Variants in GSE1 observed in about 807,000 individuals in gnomAD.
GSE1 encodes Gse1 coiled-coil protein.
A neutral mutation model predicts 112.6 loss-of-function variants in GSE1; 32 were observed. That is an observed-to-expected ratio of 0.28 (90% CI 0.21 to 0.38). The LOEUF is 0.38. Ranked by LOEUF, GSE1 falls within the 10% of genes least tolerant of loss-of-function variation. GSE1 has a pLI of 1.00. For missense variants in GSE1, 2,348 were observed against 1,699.2 expected (o/e 1.38, Z -6.71); for synonymous variants, 1,115 against 735.6 (o/e 1.52, Z -8.35).
intron 3 of GSE1, among the ~76,000 whole-genome samples, chr16:85,649,836 G>A (rs1188080151): frequency 2.0e-5 from 3 of 152,170 alleles, no homozygotes; most frequent in Non-Finnish European, 4.4e-5. Flanking sequence ...GGAGGACATG[G>A]GTATTGGAGC....
In GSE1 at chr16:85,409,936, G is replaced by T. The variant is rs1159460166; in HGVS notation, c.2464+52293G>T. Among the ~76,000 whole-genome samples the T allele has an allele frequency of 2.8e-4, 2 of 7,242 alleles. 1 individual carries two copies. The highest frequency in any genetic ancestry group is 1.2e-3 in the African/African-American group (2 of 1,690). 4.8% of individuals were successfully genotyped at this position (7,242 alleles called of 152,430 possible). Reference sequence around the variant, plus strand: ...GGATAATCCTCACTGTTACACTCAGGCCCCCCGGATAATCCTCACTTTTAC... The same window carrying T: ...GGATAATCCTCACTGTTACACTCAGTCCCCCCGGATAATCCTCACTTTTAC... On this transcript the variant is annotated intron_variant, in intron 2 of 2. Coordinates refer to the GSE1 transcript ENST00000637419.
At chr16:85,328,786 C>A (rs986753666) in intron 1 of GSE1, among the ~76,000 whole-genome samples, 1 of 151,480 alleles carries the variant, frequency 6.6e-6, no homozygotes, top group Non-Finnish European at 1.5e-5. Flanking sequence ...CAAGGCCTTG[C>A]GGCTGGGCGT....
chr16:85,380,408 A>T (rs553415078), intron 2 of GSE1, among the ~76,000 whole-genome samples: 33 of 152,310 alleles, frequency 2.2e-4, no homozygotes, highest in African/African-American at 7.9e-4. Flanking sequence ...ATCCTCCCTG[A>T]GCCCTTGGCC....
chr16:85,382,039 A>G (rs2047558328), intron 2 of GSE1, among the ~76,000 whole-genome samples: 1 of 152,228 alleles, frequency 6.6e-6, no homozygotes. Flanking sequence ...GGAGCTCCAC[A>G]GAGCCCCGGC....
chr16:85,602,215 G>A (rs1029380284), intron 1 of GSE1, among the ~76,000 whole-genome samples: 2 of 151,818 alleles, frequency 1.3e-5, no homozygotes, highest in African/African-American at 4.9e-5. Context: ...AGCACACAGC[G>A]CCCAGGGGGT....
chr16:85,215,702 C>G (rs938108733), intron 1 of GSE1, among the ~76,000 whole-genome samples: 4 of 152,202 alleles, frequency 2.6e-5, no homozygotes, highest in African/African-American at 9.6e-5. Flanking sequence ...CCGCACTGTT[C>G]CAGCACTTGG....
rs112608214 is a variant in GSE1 at position 85,252,071 on chromosome 16, G to C, written c.2283+80264G>C. Among the ~76,000 whole-genome samples, 536 of 152,346 alleles carry C rather than the reference G, an allele frequency of 3.5e-3. 8 individuals are homozygous for C. The highest frequency in any genetic ancestry group is 0.012 in the African/African-American group (503 of 41,580). ...GCAGAGAGAGCAGTTGAACCCCAGA[G>C]TCTGACTCCGGAGACCCAGGGCTGA... On this transcript the variant is annotated intron_variant, in intron 1 of 2. Coordinates refer to the GSE1 transcript ENST00000637419.
At chr16:85,454,531 T>C (rs988955397) in intron 2 of GSE1, among the ~76,000 whole-genome samples, 1 of 152,094 alleles carries the variant, frequency 6.6e-6, no homozygotes, top group Non-Finnish European at 1.5e-5. Flanking sequence ...GCCGGATGAG[T>C]TTCCCGGGGC....
chr16:85,617,395 G>T (rs1435259696), intron 1 of GSE1, among the ~76,000 whole-genome samples: 1 of 152,226 alleles, frequency 6.6e-6, no homozygotes, highest in African/African-American at 2.4e-5. Context: ...CTGCACTTGA[G>T]GCTTTTGTGG....
In GSE1 at chr16:85,613,869, G is replaced by C. The variant is rs1055275270; in HGVS notation, c.7+471G>C. 3.2e-4 allele frequency among the ~76,000 whole-genome samples: 48 copies of C among 148,654 alleles called. 1 individual carries two copies. The highest frequency in any genetic ancestry group is 6.9e-3 in the Middle Eastern group (2 of 288). ...GAGGAAGCGGGGGTGTGGGGGGGGG[G>C]GGTGCTCGCTACTGGGGCCGCGCCG... On this transcript the variant is annotated intron_variant, in intron 1 of 15. Coordinates refer to ENST00000253458, the MANE Select transcript of GSE1 (RefSeq NM_014615.5).
intron 1 of GSE1, among the ~76,000 whole-genome samples, chr16:85,241,922 G>T (rs1447168111): frequency 6.6e-6 from 1 of 152,066 alleles, no homozygotes; most frequent in Non-Finnish European, 1.5e-5. Context: ...CATGGTGGCT[G>T]CCGGGAGGGG....
chr16:85,642,070 C>T (rs778722576), intron 2 of GSE1, among the ~76,000 whole-genome samples: 35 of 152,252 alleles, frequency 2.3e-4, no homozygotes, highest in Admixed American at 1.2e-3. Flanking sequence ...CAGCTGGCAT[C>T]GCCGTTGGTG....
At chr16:85,379,813 C>A (rs747125433) in intron 2 of GSE1, among the ~76,000 whole-genome samples, 39 of 152,220 alleles carry the variant, frequency 2.6e-4, no homozygotes, top group Admixed American at 1.0e-3. Flanking sequence ...GGAAGCAGAT[C>A]GCTGTGCTCC....
chr16:85,470,661 CT>C (rs2050265210), intron 2 of GSE1, among the ~76,000 whole-genome samples: 1 of 152,196 alleles, frequency 6.6e-6, no homozygotes, highest in South Asian at 2.1e-4. Context: ...AGGGCTGCAC[CT>C]TGTGGGTCTC....
At chr16:85,512,589 G>A (rs2151935196) in intron 2 of GSE1, among the ~76,000 whole-genome samples, 1 of 152,272 alleles carries the variant, frequency 6.6e-6, no homozygotes, top group South Asian at 2.1e-4. Context: ...GAGGCAAATG[G>A]CTGATTGATT....
At chr16:85,336,209 T>C (rs1183960892) in intron 1 of GSE1, among the ~76,000 whole-genome samples, 1 of 152,206 alleles carries the variant, frequency 6.6e-6, no homozygotes, top group African/African-American at 2.4e-5. Flanking sequence ...TGAGCTTCCA[T>C]TAGCCCTCCT....
chr16:85,613,308 C>A, upstream of GSE1: 1 of 1,546,400 alleles, frequency 6.5e-7, no homozygotes, highest in Non-Finnish European at 8.7e-7. Context: ...CGAGCAGCCC[C>A]GGGTGAGATA....
intron 2 of GSE1, among the ~76,000 whole-genome samples, chr16:85,453,560 G>C (rs1161999686): frequency 6.6e-6 from 1 of 152,068 alleles, no homozygotes; most frequent in African/African-American, 2.4e-5. Context: ...TGACCCTGGG[G>C]CTGGGTGTGG....
At chr16:85,490,502 A>G (rs1285594708) in intron 2 of GSE1, 1 of 152,242 alleles carries the variant, frequency 6.6e-6, no homozygotes, top group Non-Finnish European at 1.5e-5. Context: ...AGAAGGAATG[A>G]TGATGTAGGA....
Sources: allele counts gnomAD v4.1 joint callset (sites outside exome capture counted in the v4.1 genomes callset), GRCh38; gene constraint gnomAD v4.1.1; transcripts MANE v1.5; gene names NCBI Gene and HGNC (gene_info 2026-07-23, HGNC 2026-07-21).